The following EXOC7 variants were observed in gnomAD, a reference collection of about 807,000 sequenced individuals.
EXOC7 encodes the protein exocyst complex component Exo70.
In EXOC7, 51 loss-of-function variants were observed where a neutral mutation model predicts 87.6. That is an observed-to-expected ratio of 0.58 (90% CI 0.46 to 0.73). The LOEUF is 0.73. Ranked by LOEUF, EXOC7 falls within the 30% of genes least tolerant of loss-of-function variation. The pLI, the probability that EXOC7 is intolerant of heterozygous loss-of-function variation, is 0.00. For missense variants in EXOC7, 744 were observed against 888.4 expected (o/e 0.84, Z 2.07); for synonymous variants, 327 against 357.1 (o/e 0.92, Z 0.95).
At chr17:76,091,525 C>A (rs924901281) in intron 6 of EXOC7, 30 of 366,936 alleles carry the variant, frequency 8.2e-5, no homozygotes, top group South Asian at 6.8e-5. Flanking sequence ...CAGGAGAAGT[C>A]AAAAATATGG....
At position 76,101,351 on chromosome 17, in the gene EXOC7, G is replaced by C. The variant is rs1311645908; in HGVS notation, c.337C>G (p.Leu113Val). The C allele has an allele frequency of 6.2e-7, 1 of 1,614,078 alleles. No individual in the cohort carries two copies. The highest frequency in any genetic ancestry group is 1.1e-5 in the South Asian group (1 of 91,084). ...TTCTGAATCTTGGCCATGCTTCCCA[G>C]GTACTCTTCCAGCCTACCTGTGGGG... is the stretch of plus-strand genomic sequence containing the variant. The part of the protein sequence containing the change: ...EGPTGRLEEY[L>V]GSMAKIQKAV... The change falls in exon 4 of 19, where the codon CTG becomes GTG. Residue 113 changes from leucine to valine, a missense_variant. Physicochemically the swap from Leu to Val is conservative, Grantham distance 32 (BLOSUM62 1). Around this residue, in one of 3 missense-constraint regions of EXOC7, gnomAD observed 512 missense variants for 573.0 expected, o/e 0.89. Coordinates refer to ENST00000589210, the MANE Select transcript of EXOC7 (RefSeq NM_001013839.4).
At chr17:76,090,404 A>C in intron 7 of EXOC7, 1 of 1,551,698 alleles carries the variant, frequency 6.4e-7, no homozygotes. Flanking sequence ...TGACCTGGCG[A>C]GATGTCGGCC....
intron 6 of EXOC7, chr17:76,093,429 G>C (rs1405013633): frequency 2.0e-5 from 3 of 152,814 alleles, no homozygotes; most frequent in Non-Finnish European, 4.4e-5. Flanking sequence ...GGGTGCTCTT[G>C]TGGAACAGAC....
chr17:76,081,872 C>T lies in EXOC7; in HGVS notation c.*1776G>A, dbSNP rs1486870084. 6.2e-7 allele frequency: 1 copy of T among 1,608,102 alleles called. No homozygotes were observed. The highest frequency in any genetic ancestry group is 1.1e-5 in the South Asian group (1 of 90,766). ...CCCCTGAGCATCTCCCTGTGCCCTG[C>T]CTCCCCCAGTTTACTACTTCACCAT... is the stretch of plus-strand genomic sequence containing the variant. On this transcript the variant is annotated 3_prime_UTR_variant, in exon 19 of 19. Coordinates refer to ENST00000589210, the MANE Select transcript of EXOC7 (RefSeq NM_001013839.4).
At chr17:76,098,470 T>C (rs1475324501) in intron 4 of EXOC7, among the ~76,000 whole-genome samples, 1 of 151,860 alleles carries the variant, frequency 6.6e-6, no homozygotes, top group African/African-American at 2.4e-5. Context: ...GAAGAAACGC[T>C]GGGAAGCGGC....
rs924248715 is a variant in EXOC7 at position 76,082,220 on chromosome 17, G to A, written c.*1428C>T. ...CTTAGAAGAAACAGGTCTGGGGCAGGGAGCAAGCTGAGCCTCCCTGAAGTC... is the reference window on the plus strand; with the variant it reads ...CTTAGAAGAAACAGGTCTGGGGCAGAGAGCAAGCTGAGCCTCCCTGAAGTC... On this transcript the variant is annotated 3_prime_UTR_variant, in exon 19 of 19. Transcript: ENST00000589210. 4 of 919,558 alleles carry A rather than the reference G, an allele frequency of 4.3e-6. No homozygotes were observed. Among genetic ancestry groups the A allele is most frequent in the South Asian group, 3.6e-5 (2 of 55,432 alleles). 57.0% of individuals were successfully genotyped at this position (919,558 alleles called of 1,614,324 possible).
chr17:76,098,169 GCT>G, intron 4 of EXOC7, 151 bp from the exon 5 acceptor site: 1 of 627,008 alleles, frequency 1.6e-6, no homozygotes, highest in Non-Finnish European at 2.7e-6. Flanking sequence ...AGGGAGTCTC[GCT>G]CTGTCACCAG....
Position 76,101,513 on chromosome 17 carries a change from GC to G in EXOC7, c.312-138del, listed in dbSNP as rs35649649. 2.2e-6 allele frequency: 3 copies of G among 1,368,836 alleles called. No homozygotes were observed. The African/African-American group carries it at 4.4e-5, about 20-fold the overall frequency. The allele number at this position is 1,368,836 out of a possible 1,614,324, so 84.8% of individuals were successfully genotyped here. A position where few individuals can be genotyped will look rare whatever the true frequency, so the allele number is the denominator to read the frequency against. On this transcript the variant is annotated intron_variant, in intron 3 of 18. Coordinates refer to ENST00000589210, the MANE Select transcript of EXOC7 (RefSeq NM_001013839.4). ...TTCTATCCCCCCACTGCCTTTTAAG[GC>G]CTAGGGCTTAAAAGGCGTCTCACTG...
chr17:76,091,402 G>T, intron 6 of EXOC7, 167 bp from the exon 7 acceptor site: 1 of 596,048 alleles, frequency 1.7e-6, no homozygotes, highest in Non-Finnish European at 3.0e-6. Context: ...ATGAAGGAAA[G>T]GAGTCATTTC....
chr17:76,082,125 G>A lies in EXOC7; in HGVS notation c.*1523C>T, dbSNP rs1280273929. 1 of 1,497,294 alleles carries A rather than the reference G, an allele frequency of 6.7e-7. No homozygotes were observed. The highest frequency in any genetic ancestry group is 8.9e-7 in the Non-Finnish European group (1 of 1,121,982). 92.8% of individuals were successfully genotyped at this position (1,497,294 alleles called of 1,614,324 possible). A position where few individuals can be genotyped will look rare whatever the true frequency, so the allele number is the denominator to read the frequency against. ...CTGGGGTGAGGGCACGGAGGTCCAG[G>A]TGTGGGTAGAGGCCCCTTGCATCCA... On this transcript the variant is annotated 3_prime_UTR_variant, in exon 19 of 19. Transcript: ENST00000589210.
At chr17:76,084,188 T>C in intron 17 of EXOC7, 49 bp from the exon 18 acceptor site, 1 of 1,598,710 alleles carries the variant, frequency 6.3e-7, no homozygotes, top group Non-Finnish European at 8.5e-7. Context: ...ACAAACATTT[T>C]GGGTCTGTGT....
At chr17:76,093,398 A>G (rs773040081) in intron 6 of EXOC7, 2 of 152,658 alleles carry the variant, frequency 1.3e-5, no homozygotes, top group Non-Finnish European at 2.9e-5. Flanking sequence ...CCAAACCCTA[A>G]ACAAAGGCCT....
At position 76,081,169 on chromosome 17, in the gene EXOC7, CA is replaced by C; in HGVS notation, c.*2478del. The C allele has an allele frequency of 1.3e-6, 2 of 1,491,940 alleles. No individual in the cohort carries two copies. The highest frequency in any genetic ancestry group is 1.8e-6 in the Non-Finnish European group (2 of 1,100,340). 92.4% of individuals were successfully genotyped at this position (1,491,940 alleles called of 1,614,324 possible). On this transcript the variant is annotated 3_prime_UTR_variant, in exon 19 of 19. Coordinates refer to ENST00000589210, the MANE Select transcript of EXOC7 (RefSeq NM_001013839.4). Reference sequence around the variant, plus strand: ...GTTTTGTGTCCAAGTCTGTCCCTGCCAAAAGCCATCAAAAGTCTCCATCACC... The same window carrying C: ...GTTTTGTGTCCAAGTCTGTCCCTGCCAAAGCCATCAAAAGTCTCCATCACC...
At chr17:76,091,064 T>C in intron 7 of EXOC7, 79 bp downstream of exon 7, 1 of 1,311,872 alleles carries the variant, frequency 7.6e-7, no homozygotes, top group Non-Finnish European at 1.1e-6. Flanking sequence ...GAGGCCCTCC[T>C]GGGGGAGGCT....
chr17:76,098,456 C>A (rs1598342394), intron 4 of EXOC7, among the ~76,000 whole-genome samples: 1 of 151,944 alleles, frequency 6.6e-6, no homozygotes, highest in South Asian at 2.1e-4. Flanking sequence ...TCCTTTAACC[C>A]AAAGAAGAAA....
Position 76,097,994 on chromosome 17 carries a change from C to T in EXOC7, c.442G>A (p.Glu148Lys), listed in dbSNP as rs1399211427. ...CTGCGAAATTCGGACTCCAGGGCCT[C>T]CTTCCCGCGCTCAAAGAGCAGTTTC... ...KVKLLFERGKEALESEFRSLM... is the reference protein window; with the variant it reads ...KVKLLFERGKKALESEFRSLM... Residue 148 changes from glutamate (E) to lysine (K), a missense_variant, in exon 5 of 19, where the codon GAG becomes AAG. Transcript: ENST00000589210. The T allele has an allele frequency of 6.2e-7, 1 of 1,614,190 alleles. No homozygotes were observed. Among genetic ancestry groups the T allele is most frequent in the Admixed American group, 1.7e-5 (1 of 60,020 alleles).
rs188787726 is a variant in EXOC7 at position 76,083,327 on chromosome 17, G to A, written c.*321C>T. 41 of 311,436 alleles carry A rather than the reference G, an allele frequency of 1.3e-4. No individual in the cohort carries two copies. The highest frequency in any genetic ancestry group is 7.3e-4 in the African/African-American group (34 of 46,430). 19.3% of individuals were successfully genotyped at this position (311,436 alleles called of 1,614,324 possible). A position where few individuals can be genotyped will look rare whatever the true frequency, so the allele number is the denominator to read the frequency against. On this transcript the variant is annotated 3_prime_UTR_variant, in exon 19 of 19. Coordinates refer to ENST00000589210, the MANE Select transcript of EXOC7 (RefSeq NM_001013839.4). ...AGGGCCCTTCTGCCCTGCTGCTCTT[G>A]GTACACATGGAGCAGCAGTGGGCAC... is the stretch of plus-strand genomic sequence containing the variant.
intron 7 of EXOC7, 61 bp downstream of exon 7, chr17:76,091,082 G>A: frequency 6.7e-7 from 1 of 1,481,578 alleles, no homozygotes; most frequent in Non-Finnish European, 9.4e-7. Flanking sequence ...GCTCTGCCCT[G>A]CCAAGTGCGT....
chr17:76,088,261 A>G (rs58653485), intron 10 of EXOC7, 139 bp from the exon 11 acceptor site: 15,481 of 1,024,784 alleles, frequency 0.015, 340 homozygotes, highest in African/African-American at 0.079. Flanking sequence ...AGGCTGGACC[A>G]AGGGGGAGAG....
Sources: allele counts gnomAD v4.1 joint callset (sites outside exome capture counted in the v4.1 genomes callset), GRCh38; gene constraint gnomAD v4.1.1; regional missense constraint gnomAD v4.1.1; transcripts MANE v1.5; gene names NCBI Gene and HGNC (gene_info 2026-07-23, HGNC 2026-07-21).